The following EAF1 variants were observed in gnomAD, a reference collection of about 807,000 sequenced individuals.
The protein encoded by EAF1 is ELL associated factor 1, also known as ELL-associated factor 1.
In EAF1, 19 loss-of-function variants were observed where a neutral mutation model predicts 26.6. The observed-to-expected ratio is 0.71, with a 90% CI of 0.50 to 1.05. EAF1 has a LOEUF of 1.05. EAF1 is among the 50% of genes least tolerant of loss of function. The probability of loss-of-function intolerance (pLI) is 0.00; values close to 1 mark genes in which losing one functional copy is unlikely to be tolerated. For synonymous variants in EAF1, 102 were observed against 120.6 expected, an observed-to-expected ratio of 0.85 and a Z score of 1.01; for missense variants, 260 against 335.5, an observed-to-expected ratio of 0.78 and a Z score of 1.76.
intron 1 of EAF1, among the ~76,000 whole-genome samples, chr3:15,429,146 A>G (rs1192232621): frequency 6.6e-6 from 1 of 152,234 alleles, no homozygotes; most frequent in Non-Finnish European, 1.5e-5. Context: ...CACGAGCAGG[A>G]TAACTTGCGG....
intron 4 of EAF1, among the ~76,000 whole-genome samples, chr3:15,435,424 C>T (rs1559505657): frequency 6.6e-6 from 1 of 151,614 alleles, no homozygotes; most frequent in East Asian, 1.9e-4. Context: ...CTTTTCCACC[C>T]TGTAGAACGG....
chr3:15,432,235 G>A lies in EAF1; in HGVS notation c.335+12G>A. 6.2e-7 allele frequency: 1 copy of A among 1,613,804 alleles called. No homozygotes were observed. The highest frequency in any genetic ancestry group is 1.3e-5 in the African/African-American group (1 of 75,040). ...GTGAAGAAAACAAGGTATGTGAATAGCCAGATGCAGGTTTATATCATGTTT... is the reference window on the plus strand; with the variant it reads ...GTGAAGAAAACAAGGTATGTGAATAACCAGATGCAGGTTTATATCATGTTT... On this transcript the variant is annotated intron_variant, in intron 3 of 5. Transcript: ENST00000396842.
chr3:15,438,334 G>T (rs979577633), intron 5 of EAF1, among the ~76,000 whole-genome samples: 1 of 152,018 alleles, frequency 6.6e-6, no homozygotes, highest in Non-Finnish European at 1.5e-5. Flanking sequence ...TTAAGATAAC[G>T]TGACTATCCT....
At chr3:15,435,046 G>A (rs986256014) in intron 4 of EAF1, among the ~76,000 whole-genome samples, 9 of 152,310 alleles carry the variant, frequency 5.9e-5, no homozygotes, top group African/African-American at 1.9e-4. Context: ...CCTGTTGGTA[G>A]CTACTGAACT....
chr3:15,434,116 G>A (rs1001906392), intron 3 of EAF1, among the ~76,000 whole-genome samples: 3 of 152,174 alleles, frequency 2.0e-5, no homozygotes, highest in African/African-American at 7.2e-5. Context: ...ATCGAGGGCA[G>A]TAAATATTCT....
At chr3:15,436,175 G>A in intron 4 of EAF1, 167 bp from the exon 5 acceptor site, 1 of 477,404 alleles carries the variant, frequency 2.1e-6, no homozygotes, top group Non-Finnish European at 3.7e-6. Context: ...CTGTGTTTTT[G>A]TTTTGGTAAT....
intron 1 of EAF1, among the ~76,000 whole-genome samples, chr3:15,429,348 A>C (rs929321633): frequency 1.5e-4 from 22 of 150,240 alleles, no homozygotes; most frequent in Non-Finnish European, 2.4e-4. Flanking sequence ...AAAAAAAAAA[A>C]AAAACAAAAA....
chr3:15,436,952 A>G lies in EAF1; in HGVS notation c.760+377A>G, dbSNP rs144601625. ...ACTCTGTCGCCCAGGCTGGAGTGCA[A>G]TGGTGCAATCTCGGCTTACTGCAAC... On this transcript the variant is annotated intron_variant, in intron 5 of 5. Transcript: ENST00000396842. 7.0e-4 allele frequency among the ~76,000 whole-genome samples: 105 copies of G among 150,668 alleles called. 1 individual carries two copies. The South Asian group carries it at 8.4e-3, about 12-fold the overall frequency.
chr3:15,437,052 C>T lies in EAF1; in HGVS notation c.760+477C>T, dbSNP rs188527641. 1.8e-3 allele frequency among the ~76,000 whole-genome samples: 273 copies of T among 152,286 alleles called. 1 individual carries two copies. Among genetic ancestry groups the T allele is most frequent in the African/African-American group, 6.3e-3 (263 of 41,558 alleles). ...CTGGGATTACAAGCATGTCCCACCA[C>T]ACCTGGCTAATTTTTGTATTTTTAG... On this transcript the variant is annotated intron_variant, in intron 5 of 5. Transcript: ENST00000396842.
intron 5 of EAF1, 181 bp from the exon 6 acceptor site, chr3:15,438,918 GCTTTGTAGAT>G (rs2061850545): frequency 1.7e-6 from 1 of 589,444 alleles, no homozygotes; most frequent in Non-Finnish European, 3.0e-6. Context: ...GTATTGTTGT[GCTTTGTAGAT>G]AACCAAAAGC....
intron 1 of EAF1, among the ~76,000 whole-genome samples, chr3:15,428,130 G>T (rs1292985258): frequency 1.3e-5 from 2 of 151,708 alleles, no homozygotes; most frequent in Non-Finnish European, 2.9e-5. Flanking sequence ...AGTTCCAAAG[G>T]TCTTTGGCCT....
intron 3 of EAF1, among the ~76,000 whole-genome samples, 166 bp downstream of exon 3, chr3:15,432,389 T>G (rs546886215): frequency 5.2e-4 from 79 of 152,330 alleles, no homozygotes; most frequent in African/African-American, 1.9e-3. Context: ...GAGTAAAATA[T>G]GTCTTCCTCA....
At chr3:15,433,630 A>G (rs552834996) in intron 3 of EAF1, among the ~76,000 whole-genome samples, 108 of 152,376 alleles carry the variant, frequency 7.1e-4, no homozygotes, top group African/African-American at 2.5e-3. Context: ...TCTGCCAGCA[A>G]GAGCTGGCAT....
chr3:15,429,964 T>G lies in EAF1; in HGVS notation c.155T>G (p.Val52Gly). ...IDTSCEGELQ[V>G]GKGDEVTITL... ...ACTTCCTGTGAAGGAGAGCTTCAAGTTGGCAAAGGAGATGAAGTCACAATT... is the reference window on the plus strand; with the variant it reads ...ACTTCCTGTGAAGGAGAGCTTCAAGGTGGCAAAGGAGATGAAGTCACAATT... Residue 52 changes from valine to glycine, a missense_variant, in exon 2 of 6, where the codon GTT (valine) becomes GGT (glycine). Coordinates refer to ENST00000396842, the MANE Select transcript of EAF1 (RefSeq NM_033083.7). 1.2e-6 allele frequency: 2 copies of G among 1,613,364 alleles called. No individual in the cohort carries two copies. The highest frequency in any genetic ancestry group is 8.5e-7 in the Non-Finnish European group (1 of 1,179,768).
intron 3 of EAF1, 148 bp downstream of exon 3, chr3:15,432,371 T>C (rs2061807056): frequency 2.0e-6 from 2 of 988,268 alleles, no homozygotes; most frequent in South Asian, 3.7e-5. Context: ...TATGTAAATA[T>C]GTGCTCAGAG....
chr3:15,436,423 G>A lies in EAF1; in HGVS notation c.608G>A (p.Gly203Glu), dbSNP rs1376816599. 3 of 1,613,924 alleles carry A rather than the reference G, an allele frequency of 1.9e-6. No individual in the cohort carries two copies. The highest frequency in any genetic ancestry group is 2.5e-6 in the Non-Finnish European group (3 of 1,179,914). ...SSSSDSESSS[G>E]SDDDSSSSGG... ...TCTTCAGACTCTGAGAGCTCTTCGGGAAGTGATGACGATAGCTCCAGCAGT... is the reference window on the plus strand; with the variant it reads ...TCTTCAGACTCTGAGAGCTCTTCGGAAAGTGATGACGATAGCTCCAGCAGT... The change falls in exon 5 of 6, where the codon GGA becomes GAA. Residue 203 changes from glycine (G) to glutamate (E), a missense_variant. By Grantham distance (98) the Gly-to-Glu change is moderately conservative (BLOSUM62 -2). Transcript: ENST00000396842.
In EAF1 at chr3:15,436,540, G is replaced by A. The variant is rs144767041; in HGVS notation, c.725G>A (p.Arg242Gln). 7,095 of 1,590,876 alleles carry A rather than the reference G, an allele frequency of 4.5e-3. 26 individuals are homozygous for A. Among genetic ancestry groups the A allele is most frequent in the Middle Eastern group, 7.7e-3 (46 of 5,996 alleles). The change falls in exon 5 of 6, where the codon CGG (arginine) becomes CAG (glutamine). Residue 242 changes from arginine (R) to glutamine (Q), a missense_variant. Coordinates refer to ENST00000396842, the MANE Select transcript of EAF1 (RefSeq NM_033083.7). Reference sequence around the variant, plus strand: ...CCTGCCGTTGCCAATGGAACCAGCCGGCCACAAGGAAGCAACCAGCTCATG... The same window carrying A: ...CCTGCCGTTGCCAATGGAACCAGCCAGCCACAAGGAAGCAACCAGCTCATG... Reference protein sequence around the residue: ...SRPAVANGTSRPQGSNQLMNT... With the variant: ...SRPAVANGTSQPQGSNQLMNT...
intron 2 of EAF1, among the ~76,000 whole-genome samples, chr3:15,430,673 G>A (rs978140314): frequency 1.3e-5 from 2 of 152,118 alleles, no homozygotes; most frequent in African/African-American, 4.8e-5. Context: ...CAGGAGTTAA[G>A]GCAGGCAGGA....
chr3:15,430,033 A>T, intron 2 of EAF1, 26 bp downstream of exon 2: 3 of 1,345,820 alleles, frequency 2.2e-6, no homozygotes, highest in Non-Finnish European at 2.1e-6. Context: ...TTTTTTTTTT[A>T]ATGTAAGATC....
Sources: gnomAD v4.1 joint callset for allele counts (sites outside exome capture counted in the v4.1 genomes callset) on GRCh38, gnomAD v4.1.1 for gene constraint, MANE v1.5 for transcripts, NCBI Gene and HGNC (gene_info 2026-07-23, HGNC 2026-07-21) for gene names.